Variants in LZTFL1 observed in about 807,000 individuals in gnomAD.
LZTFL1 encodes the protein leucine zipper transcription factor like 1.
In LZTFL1, 25 loss-of-function variants were observed where a neutral mutation model predicts 45.9. The ratio of observed to expected loss-of-function variants is 0.54; its 90% confidence interval spans 0.40 to 0.76. The LOEUF is 0.76. LZTFL1 is among the 30% of genes least tolerant of loss of function. The pLI is 0.00. For synonymous variants in LZTFL1, 93 were observed against 117.4 expected (o/e 0.79, Z 1.35); for missense variants, 277 against 331.1 (o/e 0.84, Z 1.27).
intron 2 of LZTFL1, among the ~76,000 whole-genome samples, chr3:45,909,613 TA>T (rs1372179688): frequency 2.0e-5 from 3 of 152,234 alleles, no homozygotes; most frequent in Non-Finnish European, 4.4e-5. Context: ...ATCACAATTT[TA>T]AAACATTAAA....
At chr3:45,873,903 C>T (rs1701708666) in intron 2 of LZTFL1, among the ~76,000 whole-genome samples, 1 of 152,178 alleles carries the variant, frequency 6.6e-6, no homozygotes, top group Admixed American at 6.5e-5. Context: ...CCTTTGTAGT[C>T]AGTTTGCTTC....
chr3:45,915,622 A>C, exon 1 of LZTFL1: 1 of 406,106 alleles, frequency 2.5e-6, no homozygotes, highest in Non-Finnish European at 5.0e-6. Context: ...CATGCATCTC[A>C]GGTTTTGTTC....
intron 1 of LZTFL1, among the ~76,000 whole-genome samples, chr3:45,839,812 C>T (rs1002047563): frequency 3.9e-5 from 6 of 152,214 alleles, no homozygotes; most frequent in African/African-American, 1.4e-4. Flanking sequence ...CCAGTACACA[C>T]ATGCTCCACC....
At chr3:45,884,717 C>G (rs1335688738) in intron 2 of LZTFL1, among the ~76,000 whole-genome samples, 1 of 152,192 alleles carries the variant, frequency 6.6e-6, no homozygotes, top group Non-Finnish European at 1.5e-5. Flanking sequence ...CTTTTCCTCA[C>G]CCATGGCAAT....
At position 45,835,792 on chromosome 3, in the gene LZTFL1, A is replaced by C. The variant is rs745436829; in HGVS notation, c.129-8T>G. The stretch of plus-strand genomic sequence containing the variant: ...AAGGTGTCCTCCACCAGCCTGAAAA[A>C]CAACCATGATCCAAAACTTATAGAA... On this transcript the variant is annotated splice_polypyrimidine_tract_variant and splice_region_variant and intron_variant, in intron 2 of 9. Coordinates refer to ENST00000296135, the MANE Select transcript of LZTFL1 (RefSeq NM_020347.4). 6.3e-7 allele frequency: 1 copy of C among 1,585,454 alleles called. No individual in the cohort carries two copies. Among genetic ancestry groups the C allele is most frequent in the Non-Finnish European group, 8.6e-7 (1 of 1,162,042 alleles).
At chr3:45,880,358 T>C (rs1347751694) in intron 2 of LZTFL1, among the ~76,000 whole-genome samples, 2 of 151,950 alleles carry the variant, frequency 1.3e-5, no homozygotes, top group Admixed American at 6.6e-5. Context: ...AAAAATTAGC[T>C]GGGCGTGGTG....
At chr3:45,846,201 C>T (rs912080643), upstream of LZTFL1, among the ~76,000 whole-genome samples, 3 of 152,138 alleles carry the variant, frequency 2.0e-5, no homozygotes, top group African/African-American at 7.2e-5. Context: ...ATTCAGCTAT[C>T]CCTGTTTCCC....
At chr3:45,898,370 C>G (rs1335884461) in intron 2 of LZTFL1, among the ~76,000 whole-genome samples, 1 of 152,220 alleles carries the variant, frequency 6.6e-6, no homozygotes, top group Non-Finnish European at 1.5e-5. Flanking sequence ...TCTCGAGAGA[C>G]TGGGTTTCCA....
chr3:45,863,611 A>T (rs1456555162), intron 2 of LZTFL1, among the ~76,000 whole-genome samples: 1 of 152,206 alleles, frequency 6.6e-6, no homozygotes, highest in Non-Finnish European at 1.5e-5. Flanking sequence ...ATCCCCTGTG[A>T]CGCAGTCTAG....
intron 5 of LZTFL1, among the ~76,000 whole-genome samples, chr3:45,831,486 C>T (rs562854100): frequency 5.9e-5 from 9 of 152,376 alleles, no homozygotes; most frequent in East Asian, 1.9e-4. Context: ...TCTCAGCCTA[C>T]ACTGCACACT....
intron 3 of LZTFL1, 65 bp downstream of exon 3, chr3:45,835,525 T>A: frequency 6.8e-7 from 1 of 1,475,276 alleles, no homozygotes; most frequent in Non-Finnish European, 9.5e-7. Flanking sequence ...GCCAAAGATG[T>A]TCACTAACTT....
chr3:45,884,604 T>TC (rs1056944574), intron 2 of LZTFL1, among the ~76,000 whole-genome samples: 2 of 151,634 alleles, frequency 1.3e-5, no homozygotes, highest in African/African-American at 4.8e-5. Context: ...CCTTCCTTCC[T>TC]CCCCCGAGAC....
At chr3:45,890,203 T>C (rs546577460) in intron 2 of LZTFL1, among the ~76,000 whole-genome samples, 17 of 132,000 alleles carry the variant, frequency 1.3e-4, no homozygotes, top group African/African-American at 4.7e-4. Flanking sequence ...ACATGATTAA[T>C]ATTCAGTCCT....
rs371575349 is a variant in LZTFL1, at chr3:45,910,226, G to A, written c.-215+2894C>T. On this transcript the variant is annotated intron_variant, in intron 2 of 4. Coordinates refer to the LZTFL1 transcript ENST00000472635. ...GGGATGCCAGTCAGGAGCTGTTGCAGTTGTTCAGGAAAAAGATGGTGGTGG... is the reference window on the plus strand; with the variant it reads ...GGGATGCCAGTCAGGAGCTGTTGCAATTGTTCAGGAAAAAGATGGTGGTGG... Among the ~76,000 whole-genome samples, 3 of 152,206 alleles carry A rather than the reference G, an allele frequency of 2.0e-5. No individual in the cohort carries two copies. In the East Asian group the frequency reaches 5.8e-4, roughly 29 times the overall value.
chr3:45,857,252 C>T (rs1463303076), intron 3 of LZTFL1, among the ~76,000 whole-genome samples: 1 of 152,162 alleles, frequency 6.6e-6, no homozygotes, highest in Non-Finnish European at 1.5e-5. Flanking sequence ...CTGTTATCCT[C>T]AGGAAACTAA....
upstream of LZTFL1, among the ~76,000 whole-genome samples, chr3:45,843,009 C>G (rs1701157230): frequency 6.6e-6 from 1 of 152,196 alleles, no homozygotes. Flanking sequence ...AGCCTTGGGT[C>G]AAGAACAGTA....
intron 2 of LZTFL1, among the ~76,000 whole-genome samples, chr3:45,883,289 A>G (rs1701894938): frequency 6.6e-6 from 1 of 152,216 alleles, no homozygotes; most frequent in African/African-American, 2.4e-5. Context: ...AAGAAATTTG[A>G]TCATGTAGTA....
At chr3:45,849,087 G>C (rs1003454467) in intron 4 of LZTFL1, among the ~76,000 whole-genome samples, 1 of 152,142 alleles carries the variant, frequency 6.6e-6, no homozygotes, top group Admixed American at 6.5e-5. Flanking sequence ...ATGAAGTAAG[G>C]TCCCTGCTCT....
chr3:45,844,034 C>A (rs1239132146), upstream of LZTFL1, among the ~76,000 whole-genome samples: 1 of 152,046 alleles, frequency 6.6e-6, no homozygotes, highest in Admixed American at 6.6e-5. Flanking sequence ...CACACAAGTC[C>A]ATTTTTTACC....
Sources: gnomAD v4.1 joint callset for allele counts (sites outside exome capture counted in the v4.1 genomes callset) on GRCh38, gnomAD v4.1.1 for gene constraint, MANE v1.5 for transcripts, NCBI Gene and HGNC (gene_info 2026-07-23, HGNC 2026-07-21) for gene names.